Variants in ANO3 observed in about 807,000 individuals in gnomAD.
The protein encoded by ANO3 is anoctamin-3.
ANO3 carries 99 observed loss-of-function variants against 144.8 expected under a neutral mutation model. The ratio of observed to expected loss-of-function variants is 0.68; its 90% CI spans 0.58 to 0.81. The LOEUF is 0.81. Among genes scored for constraint, ANO3 ranks in the 30% least tolerant of loss-of-function variants. ANO3 has a pLI of 0.00. For synonymous variants in ANO3, 414 were observed against 392.6 expected, an observed-to-expected ratio of 1.05 and a Z score of -0.64; for missense variants, 905 against 1,202.2, an observed-to-expected ratio of 0.75 and a Z score of 3.66.
intron 1 of ANO3, among the ~76,000 whole-genome samples, chr11:26,209,818 C>T (rs907231112): frequency 1.3e-5 from 2 of 149,250 alleles, no homozygotes; most frequent in Non-Finnish European, 3.0e-5. Flanking sequence ...TATCCTTTGC[C>T]CACTTTTGGA....
chr11:26,352,117 C>A (rs970510989), intron 1 of ANO3, among the ~76,000 whole-genome samples: 1 of 152,136 alleles, frequency 6.6e-6, no homozygotes, highest in Non-Finnish European at 1.5e-5. Flanking sequence ...AAAGTAGAAG[C>A]TAGACAAAAA....
chr11:26,438,120 T>G (rs1858358731), intron 1 of ANO3, among the ~76,000 whole-genome samples: 1 of 152,210 alleles, frequency 6.6e-6, no homozygotes, highest in African/African-American at 2.4e-5. Context: ...GCCAGTATTT[T>G]ACTCAATTGT....
chr11:26,595,070 C>A (rs1236356359), intron 14 of ANO3, among the ~76,000 whole-genome samples: 3 of 152,152 alleles, frequency 2.0e-5, no homozygotes, highest in Non-Finnish European at 4.4e-5. Flanking sequence ...CATAGGGATG[C>A]CAGGATCCCC....
At chr11:26,610,749 G>A (rs1852076234) in intron 17 of ANO3, among the ~76,000 whole-genome samples, 1 of 151,986 alleles carries the variant, frequency 6.6e-6, no homozygotes, top group South Asian at 2.1e-4. Context: ...TTGCACATAG[G>A]TATTCAATTT....
At chr11:26,530,335 A>G (rs1325590887) in intron 7 of ANO3, among the ~76,000 whole-genome samples, 1 of 152,128 alleles carries the variant, frequency 6.6e-6, no homozygotes, top group African/African-American at 2.4e-5. Context: ...TACCACACTT[A>G]TGACTTCCAG....
chr11:26,285,920 CCAGTGAAA>C (rs1197529582), intron 1 of ANO3: 1 of 152,112 alleles, frequency 6.6e-6, no homozygotes, highest in Non-Finnish European at 1.5e-5. Context: ...GAGTGCCCTT[CCAGTGAAA>C]CATGTTTCTA....
At chr11:26,642,360 T>C (rs1221310647) in intron 22 of ANO3, among the ~76,000 whole-genome samples, 3 of 144,284 alleles carry the variant, frequency 2.1e-5, no homozygotes, top group Non-Finnish European at 4.5e-5. Context: ...TTTTTTTTTT[T>C]TTTTTGAGAC....
intron 1 of ANO3, among the ~76,000 whole-genome samples, chr11:26,315,961 G>T (rs1290096755): frequency 6.6e-6 from 1 of 152,080 alleles, no homozygotes; most frequent in African/African-American, 2.4e-5. Context: ...TGCCAATTAT[G>T]TCTCCACTCT....
chr11:26,536,255 G>T (rs1204991021), intron 9 of ANO3, among the ~76,000 whole-genome samples: 2 of 151,182 alleles, frequency 1.3e-5, no homozygotes, highest in African/African-American at 2.4e-5. Flanking sequence ...GGAAGTGAAG[G>T]TTGCAGTGAG....
intron 10 of ANO3, among the ~76,000 whole-genome samples, chr11:26,539,695 T>C (rs1849598041): frequency 6.6e-6 from 1 of 152,188 alleles, no homozygotes; most frequent in African/African-American, 2.4e-5. Context: ...CCGTCCTGGT[T>C]GTCAAGGAAT....
intron 3 of ANO3, among the ~76,000 whole-genome samples, chr11:26,444,680 G>A (rs1029538487): frequency 6.6e-6 from 1 of 152,122 alleles, no homozygotes; most frequent in Non-Finnish European, 1.5e-5. Context: ...ATTTAATATG[G>A]CCAGGATAAA....
chr11:26,356,760 G>C (rs868526449), intron 1 of ANO3, among the ~76,000 whole-genome samples: 7 of 152,250 alleles, frequency 4.6e-5, no homozygotes, highest in South Asian at 2.1e-4. Flanking sequence ...TCTTTCTGGA[G>C]GCTCTAAGGG....
intron 1 of ANO3, among the ~76,000 whole-genome samples, chr11:26,370,809 G>T (rs1856232117): frequency 6.6e-6 from 1 of 152,208 alleles, no homozygotes; most frequent in African/African-American, 2.4e-5. Flanking sequence ...CCTGCCTAGA[G>T]ATCTGTGAAA....
chr11:26,252,764 GAAC>G (rs1200224667), intron 1 of ANO3, among the ~76,000 whole-genome samples: 3 of 152,104 alleles, frequency 2.0e-5, no homozygotes, highest in Non-Finnish European at 2.9e-5. Flanking sequence ...ACTACTCAGT[GAAC>G]AACATTTCAT....
intron 1 of ANO3, among the ~76,000 whole-genome samples, chr11:26,410,059 T>G (rs992441): frequency 0.99 from 150,049 of 152,016 alleles, 74,089 homozygotes; most frequent in Middle Eastern, 1. Flanking sequence ...AAATGCTGTT[T>G]ACATTCATAA....
At chr11:26,405,334 C>T (rs1857252313) in intron 1 of ANO3, among the ~76,000 whole-genome samples, 1 of 151,822 alleles carries the variant, frequency 6.6e-6, no homozygotes, top group Admixed American at 6.6e-5. Flanking sequence ...CATTCTTCAT[C>T]TCACAAATTT....
chr11:26,543,111 G>A (rs1446702751), intron 11 of ANO3, among the ~76,000 whole-genome samples: 4 of 152,060 alleles, frequency 2.6e-5, no homozygotes, highest in Non-Finnish European at 5.9e-5. Context: ...TCTTGAAGGG[G>A]CAGGGGGAGA....
chr11:26,448,941 A>G (rs1330539915), intron 3 of ANO3, among the ~76,000 whole-genome samples: 2 of 152,184 alleles, frequency 1.3e-5, no homozygotes, highest in Non-Finnish European at 2.9e-5. Flanking sequence ...TTGCCTCCTT[A>G]TAGATGATTT....
rs1242386357 is a variant in ANO3, at chr11:26,289,734, A to G, written c.155-19911A>G. ...TTCTATATGTGTATATATATTCTAT[A>G]TGTGTATATATATTCTATATGTGTA... On this transcript the variant is annotated intron_variant, in intron 1 of 27. Coordinates refer to the ANO3 transcript ENST00000672621. Among the ~76,000 whole-genome samples, 4 of 145,752 alleles carry G rather than the reference A, an allele frequency of 2.7e-5. No homozygotes were observed. The Admixed American group carries it at 2.8e-4, about 10-fold the overall frequency.
Sources: allele counts gnomAD v4.1 joint callset (sites outside exome capture counted in the v4.1 genomes callset), GRCh38; gene constraint gnomAD v4.1.1; transcripts MANE v1.5; gene names NCBI Gene and HGNC (gene_info 2026-07-23, HGNC 2026-07-21).